Variants in ASMTL observed in about 807,000 individuals in gnomAD.
ASMTL encodes acetylserotonin O-methyltransferase like, also known as probable bifunctional dTTP/UTP pyrophosphatase/methyltransferase protein.
A neutral mutation model predicts 60.3 loss-of-function variants in ASMTL; 57 were observed. That is an observed-to-expected ratio of 0.95 (90% CI 0.76 to 1.18). The LOEUF is 1.18. Among genes scored for constraint, ASMTL ranks in the 50% most tolerant of loss-of-function variants. The probability of loss-of-function intolerance (pLI) is 0.00; values close to 1 mark genes in which losing one functional copy is unlikely to be tolerated. For missense variants in ASMTL, 981 were observed against 852.6 expected, an observed-to-expected ratio of 1.15 and a Z score of -1.88; for synonymous variants, 419 against 373.0, an observed-to-expected ratio of 1.12 and a Z score of -1.42.
At position 1,435,708 on chromosome X, in the gene ASMTL, G is replaced by T. The variant is rs768959330; in HGVS notation, c.324C>A (p.Tyr108Ter). 1.2e-6 allele frequency: 2 copies of T among 1,613,598 alleles called. No homozygotes were observed. Among genetic ancestry groups the T allele is most frequent in the Admixed American group, 3.3e-5 (2 of 59,984 alleles). Residue 108 changes from tyrosine to a stop codon, truncating the protein, a stop_gained, in exon 4 of 13, where the codon TAC becomes TAA. Transcript: ENST00000381317. LOFTEE classifies it high-confidence loss of function. The part of the protein sequence containing the change: ...LEKPVDKQDA[Y>*]RMLSRLSGRE... Reference sequence around the variant, plus strand: ...ATGGTGCTTACCGGGACAGCATCCTGTAGGCGTCCTGCTTGTCCACCGGCT... The same window carrying T: ...ATGGTGCTTACCGGGACAGCATCCTTTAGGCGTCCTGCTTGTCCACCGGCT...
At chrX:1,419,136 G>C (rs1411185789) in intron 9 of ASMTL, 22 bp from the exon 10 acceptor site, 4 of 1,609,684 alleles carry the variant, frequency 2.5e-6, no homozygotes, top group Non-Finnish European at 3.4e-6. Flanking sequence ...CAGGTGCTTA[G>C]GGGCACCAGA....
upstream of ASMTL, chrX:1,452,918 A>AG (rs1447765880): frequency 6.6e-6 from 8 of 1,203,562 alleles, no homozygotes; most frequent in Non-Finnish European, 9.0e-6. Flanking sequence ...TGCAAAAAAA[A>AG]CAGGCGGCCA....
chrX:1,423,837 C>T (rs772721030), intron 8 of ASMTL, among the ~76,000 whole-genome samples: 190 of 151,058 alleles, frequency 1.3e-3, no homozygotes, highest in African/African-American at 4.5e-3. Context: ...TCCATCCACT[C>T]ATCCATCCAT....
intron 12 of ASMTL, 191 bp from the exon 13 acceptor site, chrX:1,403,680 G>A: frequency 1.6e-6 from 1 of 606,466 alleles, no homozygotes. Context: ...GACAGACAGG[G>A]AGAAGGAGAT....
intron 6 of ASMTL, among the ~76,000 whole-genome samples, chrX:1,428,876 C>T (rs1489930684): frequency 2.8e-5 from 4 of 144,076 alleles, no homozygotes; most frequent in South Asian, 2.2e-4. Context: ...GAACTTCTTC[C>T]TCCTGTCTCA....
chrX:1,440,861 A>G lies in ASMTL; in HGVS notation c.225+1325T>C, dbSNP rs528251558. Among the ~76,000 whole-genome samples, 3 of 152,194 alleles carry G rather than the reference A, an allele frequency of 2.0e-5. No individual in the cohort carries two copies. In the South Asian group the frequency reaches 6.2e-4, roughly 31 times the overall value. On this transcript the variant is annotated intron_variant, in intron 2 of 12. Coordinates refer to ENST00000381317, the MANE Select transcript of ASMTL (RefSeq NM_004192.4). ...ACAATTATATTAATTGTCATAGTAT[A>G]TTACATAGTATCACACAGTAACATA...
rs186018045 is a variant in ASMTL, at chrX:1,432,107, C to T, written c.509+162G>A. ...TTGAGCCTCCATGGGTCAGTGTGGT[C>T]GTGAAGGGTTTGTGCTTCTGAGCCG... is the stretch of plus-strand genomic sequence containing the variant. On this transcript the variant is annotated intron_variant, in intron 6 of 12. Coordinates refer to ENST00000381317, the MANE Select transcript of ASMTL (RefSeq NM_004192.4). 1.1e-5 allele frequency: 7 copies of T among 631,930 alleles called. No individual in the cohort carries two copies. In the South Asian group the frequency reaches 1.1e-4, roughly 10 times the overall value. The allele number at this position is 631,930 out of a possible 1,614,324, so 39.1% of individuals were successfully genotyped here. A position where few individuals can be genotyped will look rare whatever the true frequency, so the allele number is the denominator to read the frequency against.
Position 1,403,311 on chromosome X carries a change from C to A in ASMTL, c.1824G>T (p.Gly608=), listed in dbSNP as rs1403564275. 3 of 1,613,236 alleles carry A rather than the reference C, an allele frequency of 1.9e-6. No individual in the cohort carries two copies. Among genetic ancestry groups the A allele is most frequent in the Non-Finnish European group, 1.7e-6 (2 of 1,179,872 alleles). ...GFHQVQVVHL[G]GVLDAILATK... ...TGGCCAAGATGGCATCCAGGACACC[C>A]CCCAAGTGCACCACCTGCACCTGGT... The change falls in exon 13 of 13, where the codon GGG becomes GGT. Residue 608 remains glycine, a synonymous_variant. Transcript: ENST00000381317.
At chrX:1,438,161 T>C (rs1422467427) in intron 3 of ASMTL, among the ~76,000 whole-genome samples, 5 of 150,902 alleles carry the variant, frequency 3.3e-5, no homozygotes, top group South Asian at 2.1e-4. Flanking sequence ...TGGTGGCGGG[T>C]GCCTGTGATC....
chrX:1,439,848 GAAA>G (rs1374787673), intron 2 of ASMTL, among the ~76,000 whole-genome samples: 1 of 126,030 alleles, frequency 7.9e-6, no homozygotes, highest in African/African-American at 2.9e-5. Context: ...AAAAAAAAAA[GAAA>G]AAAAAAAACA....
intron 3 of ASMTL, among the ~76,000 whole-genome samples, chrX:1,436,882 G>C (rs1267392119): frequency 2.0e-5 from 3 of 152,242 alleles, no homozygotes; most frequent in Non-Finnish European, 4.4e-5. Flanking sequence ...CCATAGCAAA[G>C]TCCTACAACC....
At chrX:1,417,459 G>A (rs1403183964) in intron 11 of ASMTL, among the ~76,000 whole-genome samples, 1 of 145,426 alleles carries the variant, frequency 6.9e-6, no homozygotes, top group Non-Finnish European at 1.5e-5. Context: ...CTACACAGAC[G>A]TGCACACACA....
chrX:1,412,379 T>C (rs1234742841), intron 12 of ASMTL, among the ~76,000 whole-genome samples: 7 of 151,300 alleles, frequency 4.6e-5, no homozygotes, highest in Non-Finnish European at 5.9e-5. Context: ...AGGTGCGCAC[T>C]ACCACACCTG....
In ASMTL at chrX:1,442,454, C is replaced by G. The variant is rs1363928413; in HGVS notation, c.94-137G>C. 3 of 990,980 alleles carry G rather than the reference C, an allele frequency of 3.0e-6. No individual in the cohort carries two copies. In the African/African-American group the frequency reaches 4.9e-5, roughly 16 times the overall value. 61.4% of individuals were successfully genotyped at this position (990,980 alleles called of 1,614,324 possible). ...GTCCCAGGTGAGCTCATCCATCCGC[C>G]AAGCTTTCCCTAAGTGTGGCTGGGG... is the stretch of plus-strand genomic sequence containing the variant. On this transcript the variant is annotated intron_variant, in intron 1 of 12. Transcript: ENST00000381317.
chrX:1,412,006 G>A (rs1483220822), intron 12 of ASMTL, among the ~76,000 whole-genome samples: 4 of 151,710 alleles, frequency 2.6e-5, no homozygotes, highest in Non-Finnish European at 4.4e-5. Flanking sequence ...TAATAGAGAC[G>A]GGGTTTCACC....
intron 9 of ASMTL, 79 bp downstream of exon 9, chrX:1,421,577 GGT>G (rs2090484663): frequency 1.4e-6 from 2 of 1,454,896 alleles, no homozygotes; most frequent in African/African-American, 2.8e-5. Context: ...GACTGGTCAA[GGT>G]GCCTACTGAT....
intron 2 of ASMTL, among the ~76,000 whole-genome samples, chrX:1,440,224 C>T (rs1390429000): frequency 6.6e-6 from 1 of 151,926 alleles, no homozygotes; most frequent in Non-Finnish European, 1.5e-5. Flanking sequence ...GTAGCTGGGA[C>T]TACAGGCGCC....
intron 3 of ASMTL, among the ~76,000 whole-genome samples, chrX:1,437,906 A>T (rs2091013260): frequency 6.6e-6 from 1 of 151,630 alleles, no homozygotes; most frequent in South Asian, 2.1e-4. Context: ...AAAAAAAAAA[A>T]AAAGGAGAAA....
chrX:1,427,496 G>A (rs771280794), intron 7 of ASMTL, among the ~76,000 whole-genome samples: 2 of 151,284 alleles, frequency 1.3e-5, no homozygotes, highest in South Asian at 4.2e-4. Context: ...GAGGCCACGT[G>A]GAGGACGTGG....
Sources: gnomAD v4.1 joint callset for allele counts (sites outside exome capture counted in the v4.1 genomes callset) on GRCh38, gnomAD v4.1.1 for gene constraint, MANE v1.5 for transcripts, NCBI Gene and HGNC (gene_info 2026-07-23, HGNC 2026-07-21) for gene names.